The following MGAM variants were observed in gnomAD, a reference collection of about 807,000 sequenced individuals.
MGAM encodes maltase-glucoamylase.
In MGAM, 253 loss-of-function variants were observed where a neutral mutation model predicts 358.8. The observed-to-expected ratio is 0.71, with a 90% CI of 0.64 to 0.78. The LOEUF is 0.78. Among genes scored for constraint, MGAM ranks in the 30% least tolerant of loss-of-function variants. MGAM has a pLI of 0.00. For synonymous variants in MGAM, 1,105 were observed against 1,227.1 expected (o/e 0.90, Z 2.08); for missense variants, 3,080 against 3,432.6 (o/e 0.90, Z 2.57).
At position 142,065,839 on chromosome 7, in the gene MGAM, A is replaced by T. The variant is rs1484168460; in HGVS notation, c.4770+8A>T. On this transcript the variant is annotated splice_region_variant and intron_variant, in intron 40 of 70. Transcript: ENST00000475668. ...AATACCATTGGGACCAGGGTAGGACAGTGGCTTCTACCTCCACTGTTTTAT... is the reference window on the plus strand; with the variant it reads ...AATACCATTGGGACCAGGGTAGGACTGTGGCTTCTACCTCCACTGTTTTAT... The T allele has an allele frequency of 1.0e-5, 16 of 1,524,976 alleles. 1 individual carries two copies. The highest frequency in any genetic ancestry group is 3.4e-4 in the Middle Eastern group (2 of 5,916). The allele number at this position is 1,524,976 out of a possible 1,614,324, so 94.5% of individuals were successfully genotyped here.
At chr7:142,038,338 T>C (rs529975261) in intron 18 of MGAM, among the ~76,000 whole-genome samples, 193 bp from the exon 19 acceptor site, 1 of 152,166 alleles carries the variant, frequency 6.6e-6, no homozygotes, top group African/African-American at 2.4e-5. Flanking sequence ...GAGGGAAGAA[T>C]AGGAGACATG....
intron 3 of MGAM, among the ~76,000 whole-genome samples, chr7:142,012,793 C>T (rs942427910): frequency 2.0e-5 from 3 of 152,132 alleles, no homozygotes; most frequent in African/African-American, 7.2e-5. Flanking sequence ...TGACTTTACT[C>T]ACATACCTGG....
rs1238620974 is a variant in MGAM, at chr7:142,042,144, CAT to C, written c.2498+1302_2498+1303del. ...TAATATATATACATATAATATATAACATATAATATATATACATATAATATATA... is the reference window on the plus strand; with the variant it reads ...TAATATATATACATATAATATATAACATAATATATATACATATAATATATA... On this transcript the variant is annotated intron_variant, in intron 21 of 70. Transcript: ENST00000475668. Among the ~76,000 whole-genome samples, 251 of 41,484 alleles carry C rather than the reference CAT, an allele frequency of 6.1e-3. 5 individuals are homozygous for C. The highest frequency in any genetic ancestry group is 0.024 in the Middle Eastern group (1 of 42). The allele number at this position is 41,484 out of a possible 152,430, so 27.2% of individuals were successfully genotyped here.
rs1257049841 is a variant in MGAM at position 142,094,210 on chromosome 7, G to GGA, written c.7173-153_7173-152dup. On this transcript the variant is annotated intron_variant, in intron 60 of 70. Transcript: ENST00000475668. ...CGTGACTCGTTATCTCCATCATCTG[G>GGA]GATCAGTGGAGCCCCCATTACAGCT... 2.1e-5 allele frequency among the ~76,000 whole-genome samples: 3 copies of GGA among 145,870 alleles called. 1 individual carries two copies. The highest frequency in any genetic ancestry group is 4.7e-5 in the Non-Finnish European group (3 of 64,504).
intron 64 of MGAM, 45 bp downstream of exon 64, chr7:142,095,758 G>A (rs1815850631): frequency 6.2e-7 from 1 of 1,606,044 alleles, no homozygotes; most frequent in Non-Finnish European, 8.5e-7. Flanking sequence ...ATGACTTATT[G>A]CATTCTATAT....
In MGAM at chr7:142,052,390, C is replaced by G. The variant is rs1170107519; in HGVS notation, c.2902C>G (p.Pro968Ala). 1.9e-6 allele frequency: 3 copies of G among 1,613,122 alleles called. No individual in the cohort carries two copies. Among genetic ancestry groups the G allele is most frequent in the East Asian group, 4.5e-5 (2 of 44,814 alleles). Reference protein sequence around the residue: ...IRDEEKIDCYPDENGASAENC... With the variant: ...IRDEEKIDCYADENGASAENC... Reference sequence around the variant, plus strand: ...GGATGAAGAAAAAATAGACTGTTACCCTGATGAGAATGGTGCTTCTGCCGA... The same window carrying G: ...GGATGAAGAAAAAATAGACTGTTACGCTGATGAGAATGGTGCTTCTGCCGA... The change falls in exon 25 of 71, where the codon CCT (proline) becomes GCT (alanine). Residue 968 changes from proline to alanine, a missense_variant. Physicochemically the swap from Pro to Ala is conservative, Grantham distance 27. Around this residue, in one of 5 missense-constraint regions of MGAM, gnomAD observed 1,816 missense variants for 1,840.5 expected, o/e 0.99. Coordinates refer to ENST00000475668, the MANE Select transcript of MGAM (RefSeq NM_001365693.1).
At chr7:142,077,281 G>A (rs10273141) in intron 47 of MGAM, among the ~76,000 whole-genome samples, 3,299 of 145,662 alleles carry the variant, frequency 0.023, 269 homozygotes, top group South Asian at 0.1. Flanking sequence ...TAATTCTCAA[G>A]CAGTCTCATA....
At position 142,059,458 on chromosome 7, in the gene MGAM, A is replaced by G. The variant is rs752517084; in HGVS notation, c.3820-14A>G. On this transcript the variant is annotated splice_polypyrimidine_tract_variant and intron_variant, in intron 31 of 70. Coordinates refer to ENST00000475668, the MANE Select transcript of MGAM (RefSeq NM_001365693.1). ...TACAGCAGCAGCCTCTCAGCTCCCCATGTCCTCCCGCAGGATGTGCAGTAC... is the reference window on the plus strand; with the variant it reads ...TACAGCAGCAGCCTCTCAGCTCCCCGTGTCCTCCCGCAGGATGTGCAGTAC... The G allele has an allele frequency of 1.9e-6, 3 of 1,603,756 alleles. No homozygotes were observed. The highest frequency in any genetic ancestry group is 2.2e-5 in the East Asian group (1 of 44,824).
chr7:142,034,564 G>A, intron 15 of MGAM, 106 bp from the exon 16 acceptor site: 1 of 1,096,104 alleles, frequency 9.1e-7, no homozygotes, highest in Non-Finnish European at 1.3e-6. Context: ...AGAGTTGGAA[G>A]AGAATGGGTT....
intron 45 of MGAM, among the ~76,000 whole-genome samples, chr7:142,074,507 A>G (rs1813585690): frequency 6.9e-6 from 1 of 145,592 alleles, no homozygotes; most frequent in African/African-American, 2.5e-5. Context: ...TCTTATGAGC[A>G]AATGTTGACG....
In MGAM at chr7:142,071,950, A is replaced by G. The variant is rs1414108979; in HGVS notation, c.5186+832A>G. The stretch of plus-strand genomic sequence containing the variant: ...ATAGACTAGGAGTTCTTTGGAAGCC[A>G]GAAACCTGTCTTTTCTTTTGAACCT... On this transcript the variant is annotated intron_variant, in intron 44 of 70. Transcript: ENST00000475668. Among the ~76,000 whole-genome samples the G allele has an allele frequency of 1.4e-5, 2 of 146,378 alleles. 1 individual carries two copies.
In MGAM at chr7:142,043,016, A is replaced by C. The variant is rs181428904; in HGVS notation, c.2498+2170A>C. ...TACATATAATATCTAAATATAATATATATAAAATATAAACATAATATCTAA... is the reference window on the plus strand; with the variant it reads ...TACATATAATATCTAAATATAATATCTATAAAATATAAACATAATATCTAA... On this transcript the variant is annotated intron_variant, in intron 21 of 70. Transcript: ENST00000475668. Among the ~76,000 whole-genome samples the C allele has an allele frequency of 4.6e-4, 44 of 95,310 alleles. 1 individual carries two copies. The highest frequency in any genetic ancestry group is 2.6e-3 in the Admixed American group (16 of 6,238). 62.5% of individuals were successfully genotyped at this position (95,310 alleles called of 152,430 possible). A position where few individuals can be genotyped will look rare whatever the true frequency, so the allele number is the denominator to read the frequency against.
intron 12 of MGAM, among the ~76,000 whole-genome samples, chr7:142,031,055 C>A (rs782720162): frequency 1.3e-5 from 2 of 152,118 alleles, no homozygotes; most frequent in South Asian, 2.1e-4. Flanking sequence ...CTTCCTTCCC[C>A]CCTCACTTCC....
rs529237042 is a variant in MGAM, at chr7:142,044,171, TTATA to T, written c.2498+3328_2498+3331del. Among the ~76,000 whole-genome samples, 241 of 140,812 alleles carry T rather than the reference TTATA, an allele frequency of 1.7e-3. 15 individuals are homozygous for T. Among genetic ancestry groups the T allele is most frequent in the Admixed American group, 3.8e-3 (50 of 13,146 alleles). The allele number at this position is 140,812 out of a possible 152,430, so 92.4% of individuals were successfully genotyped here. ...ACACATACGACGTATAATATATACA[TTATA>T]TACACATACGACATATAATATATAA... On this transcript the variant is annotated intron_variant, in intron 21 of 70. Coordinates refer to ENST00000475668, the MANE Select transcript of MGAM (RefSeq NM_001365693.1).
rs532809876 is a variant in MGAM at position 142,038,800 on chromosome 7, C to A, written c.2316+185C>A. The stretch of plus-strand genomic sequence containing the variant: ...CTACACATTTTTCTTTCTAGAATTT[C>A]TTTTTTCTCTTGATCAAGTTCCCAA... On this transcript the variant is annotated intron_variant, in intron 19 of 70. Coordinates refer to ENST00000475668, the MANE Select transcript of MGAM (RefSeq NM_001365693.1). 7.2e-5 allele frequency among the ~76,000 whole-genome samples: 11 copies of A among 152,224 alleles called. 1 individual carries two copies. Among genetic ancestry groups the A allele is most frequent in the African/African-American group, 2.6e-4 (11 of 41,558 alleles).
intron 2 of MGAM, among the ~76,000 whole-genome samples, chr7:141,988,461 T>C (rs1448384913): frequency 6.6e-6 from 1 of 151,848 alleles, no homozygotes; most frequent in African/African-American, 2.4e-5. Flanking sequence ...GTTTCCCAAG[T>C]TCAAGCGATT....
chr7:142,097,139 A>G (rs1221225509), intron 65 of MGAM, among the ~76,000 whole-genome samples: 1 of 151,778 alleles, frequency 6.6e-6, no homozygotes, highest in African/African-American at 2.4e-5. Context: ...GCATTCCACC[A>G]TGTTAGTCAG....
chr7:142,088,816 A>ATCAT (rs1815059429), intron 57 of MGAM, among the ~76,000 whole-genome samples: 1 of 102,854 alleles, frequency 9.7e-6, no homozygotes, highest in Non-Finnish European at 2.2e-5. Context: ...TATCCTATCT[A>ATCAT]TGTACCATCT....
intron 30 of MGAM, among the ~76,000 whole-genome samples, chr7:142,057,411 T>C (rs956353011): frequency 1.4e-4 from 21 of 149,862 alleles, no homozygotes; most frequent in African/African-American, 4.9e-4. Flanking sequence ...GTAGTGATGG[T>C]GATGATGATG....
Sources: allele counts gnomAD v4.1 joint callset (sites outside exome capture counted in the v4.1 genomes callset), GRCh38; gene constraint gnomAD v4.1.1; regional missense constraint gnomAD v4.1.1; transcripts MANE v1.5; gene names NCBI Gene and HGNC (gene_info 2026-07-23, HGNC 2026-07-21).